The following PTP4A2 variants were observed in gnomAD, a reference collection of about 807,000 sequenced individuals.
PTP4A2 encodes protein tyrosine phosphatase type IVA 2.
In PTP4A2, 2 loss-of-function variants were observed where a neutral mutation model predicts 22.9. The observed-to-expected ratio is 0.09, with a 90% confidence interval of 0.04 to 0.27. PTP4A2 has a LOEUF of 0.27. Among genes scored for constraint, PTP4A2 ranks in the 10% least tolerant of loss-of-function variants. The pLI is 1.00. For synonymous variants in PTP4A2, 68 were observed against 69.1 expected, an observed-to-expected ratio of 0.98 and a Z score of 0.08; for missense variants, 103 against 205.1, an observed-to-expected ratio of 0.50 and a Z score of 3.04.
chr1:31,929,722 T>C (rs1475303543), intron 1 of PTP4A2, among the ~76,000 whole-genome samples: 7 of 152,226 alleles, frequency 4.6e-5, no homozygotes, highest in Admixed American at 4.6e-4. Context: ...GTTTCCAACA[T>C]CACTGTATGT....
rs370757408 is a variant in PTP4A2 at position 31,911,690 on chromosome 1, G to A, written c.320+6C>T. 14 of 1,574,700 alleles carry A rather than the reference G, an allele frequency of 8.9e-6. No homozygotes were observed. Among genetic ancestry groups the A allele is most frequent in the African/African-American group, 1.4e-5 (1 of 72,834 alleles). ...GACAAAAAGGGTAATAAAGGTAAGA[G>A]TTTACCTTCCCAATCCTGCAACACA... On this transcript the variant is annotated splice_donor_region_variant and intron_variant, in intron 4 of 5. Transcript: ENST00000647444.
intron 1 of PTP4A2, among the ~76,000 whole-genome samples, chr1:31,927,070 A>C (rs1236519484): frequency 1.3e-5 from 2 of 152,212 alleles, no homozygotes; most frequent in African/African-American, 2.4e-5. Flanking sequence ...AATAAAAGAG[A>C]GCCTTATAGG....
chr1:31,935,565 A>G (rs646370), intron 1 of PTP4A2: 44,719 of 152,080 alleles, frequency 0.29, 9,151 homozygotes, highest in African/African-American at 0.57. Flanking sequence ...TATTATCTGT[A>G]TGACCTGGGA....
At chr1:31,917,509 G>A (rs1302487564) in intron 2 of PTP4A2, among the ~76,000 whole-genome samples, 1 of 152,094 alleles carries the variant, frequency 6.6e-6, no homozygotes, top group African/African-American at 2.4e-5. Context: ...TTGAAAAGTT[G>A]CGATAAAATT....
intron 1 of PTP4A2, chr1:31,924,210 A>G (rs1163829232): frequency 6.6e-6 from 1 of 152,140 alleles, no homozygotes; most frequent in African/African-American, 2.4e-5. Context: ...TACTCTCCCA[A>G]CCTCATTTTG....
intron 1 of PTP4A2, among the ~76,000 whole-genome samples, chr1:31,925,109 C>G (rs1031079263): frequency 6.6e-6 from 1 of 152,070 alleles, no homozygotes; most frequent in Non-Finnish European, 1.5e-5. Context: ...CAGTGGTTTC[C>G]TAGGGTTGGG....
intron 1 of PTP4A2, among the ~76,000 whole-genome samples, chr1:31,922,692 G>C (rs1020405375): frequency 6.6e-6 from 1 of 151,344 alleles, no homozygotes; most frequent in East Asian, 2.0e-4. Context: ...GCAGTGGCGC[G>C]ATCATGGCTC....
chr1:31,910,172 A>T, intron 4 of PTP4A2, 60 bp from the exon 5 acceptor site: 1 of 1,315,974 alleles, frequency 7.6e-7, no homozygotes, highest in South Asian at 1.2e-5. Context: ...GATTTTTAAA[A>T]ACCTGTAACT....
At position 31,906,522 on chromosome 1, in the gene PTP4A2, A is replaced by C. The variant is rs182690254; in HGVS notation, c.*2330T>G. 14 of 152,316 alleles carry C rather than the reference A, an allele frequency of 9.2e-5. No individual in the cohort carries two copies. In the East Asian group the frequency reaches 9.6e-4, roughly 10 times the overall value. 9.4% of individuals were successfully genotyped at this position (152,316 alleles called of 1,614,324 possible). A position where few individuals can be genotyped will look rare whatever the true frequency, so the allele number is the denominator to read the frequency against. ...ATCAATCTGACATCTCTCTATGTCA[A>C]ACTGGCTTCAGCTAGCAATACTTCA... On this transcript the variant is annotated 3_prime_UTR_variant, in exon 6 of 6. Transcript: ENST00000647444.
In PTP4A2 at chr1:31,923,144, C is replaced by T. The variant is rs570316245; in HGVS notation, c.-593-3486G>A. On this transcript the variant is annotated intron_variant, in intron 1 of 5. Coordinates refer to ENST00000647444, the MANE Select transcript of PTP4A2 (RefSeq NM_080391.4). Reference sequence around the variant, plus strand: ...CAGGCTGGTCTTGAAGGCCTGACCTCGTGATCTGCCCACCTTGGCCTCCCA... The same window carrying T: ...CAGGCTGGTCTTGAAGGCCTGACCTTGTGATCTGCCCACCTTGGCCTCCCA... Among the ~76,000 whole-genome samples, 8 of 151,896 alleles carry T rather than the reference C, an allele frequency of 5.3e-5. No individual in the cohort carries two copies. The East Asian group carries it at 1.2e-3, about 22-fold the overall frequency.
intron 1 of PTP4A2, among the ~76,000 whole-genome samples, chr1:31,929,871 ATGT>A (rs772561051): frequency 5.9e-5 from 9 of 152,212 alleles, no homozygotes; most frequent in Non-Finnish European, 1.2e-4. Flanking sequence ...CCACATTGAA[ATGT>A]TTTCTGAGCT....
chr1:31,936,090 A>G (rs1652923467), intron 1 of PTP4A2, among the ~76,000 whole-genome samples: 1 of 151,876 alleles, frequency 6.6e-6, no homozygotes, highest in Non-Finnish European at 1.5e-5. Flanking sequence ...TGCCCAGCCG[A>G]AAAATATAAT....
intron 1 of PTP4A2, among the ~76,000 whole-genome samples, chr1:31,928,926 A>T (rs1170785521): frequency 1.3e-5 from 2 of 152,176 alleles, no homozygotes; most frequent in Non-Finnish European, 1.5e-5. Context: ...GCAATTAGTC[A>T]ACAATCGCAC....
intron 1 of PTP4A2, among the ~76,000 whole-genome samples, chr1:31,923,469 G>A (rs989171607): frequency 6.6e-6 from 1 of 151,094 alleles, no homozygotes; most frequent in Non-Finnish European, 1.5e-5. Flanking sequence ...CGAGTAGCTG[G>A]GACTACAGGC....
chr1:31,925,493 G>A (rs1397391652), intron 1 of PTP4A2, among the ~76,000 whole-genome samples: 6 of 152,162 alleles, frequency 3.9e-5, no homozygotes, highest in Non-Finnish European at 5.9e-5. Context: ...CGTGGCTCAC[G>A]CCTATAATCC....
At chr1:31,913,643 T>C in intron 3 of PTP4A2, 1 of 355,300 alleles carries the variant, frequency 2.8e-6, no homozygotes, top group Admixed American at 3.9e-5. Context: ...ATTGTGCTTT[T>C]GATTTGCATT....
At chr1:31,910,968 T>C (rs1651503313) in intron 4 of PTP4A2, 1 of 152,214 alleles carries the variant, frequency 6.6e-6, no homozygotes, top group Non-Finnish European at 1.5e-5. Flanking sequence ...GGCACCAATT[T>C]TGGGCTACCT....
chr1:31,926,491 T>C (rs1429888932), intron 1 of PTP4A2, among the ~76,000 whole-genome samples: 1 of 152,168 alleles, frequency 6.6e-6, no homozygotes. Flanking sequence ...TAATGTAATA[T>C]ACAACTAACA....
At position 31,924,712 on chromosome 1, in the gene PTP4A2, C is replaced by A. The variant is rs190640229; in HGVS notation, c.-593-5054G>T. ...TAACAGTGGTAAATTCAAATATACACCCAAATACTCCCTCTCCATTTAATT... is the reference window on the plus strand; with the variant it reads ...TAACAGTGGTAAATTCAAATATACAACCAAATACTCCCTCTCCATTTAATT... On this transcript the variant is annotated intron_variant, in intron 1 of 5. Coordinates refer to ENST00000647444, the MANE Select transcript of PTP4A2 (RefSeq NM_080391.4). Among the ~76,000 whole-genome samples the A allele has an allele frequency of 3.5e-3, 532 of 152,262 alleles. 7 individuals carry two copies. Among genetic ancestry groups the A allele is most frequent in the African/African-American group, 0.012 (507 of 41,544 alleles).
Sources: gnomAD v4.1 joint callset for allele counts (sites outside exome capture counted in the v4.1 genomes callset) on GRCh38, gnomAD v4.1.1 for gene constraint, MANE v1.5 for transcripts, NCBI Gene and HGNC (gene_info 2026-07-23, HGNC 2026-07-21) for gene names.